Variants in TECTA observed in about 807,000 individuals in gnomAD.
The protein encoded by TECTA is tectorin alpha.
TECTA carries 128 observed loss-of-function variants against 216.8 expected under a neutral mutation model. The observed-to-expected ratio is 0.59, with a 90% confidence interval of 0.51 to 0.68. The LOEUF is 0.68. Ranked by LOEUF, TECTA falls within the 30% of genes least tolerant of loss-of-function variation. The pLI is 0.00. For missense variants in TECTA, 2,551 were observed against 2,786.2 expected, an observed-to-expected ratio of 0.92 and a Z score of 1.90; for synonymous variants, 1,089 against 1,117.1, an observed-to-expected ratio of 0.97 and a Z score of 0.50.
chr11:121,188,003 G>C lies in TECTA; in HGVS notation c.6162+9G>C. The C allele has an allele frequency of 6.2e-7, 1 of 1,614,160 alleles. No homozygotes were observed. Among genetic ancestry groups the C allele is most frequent in the Non-Finnish European group, 8.5e-7 (1 of 1,180,024 alleles). On this transcript the variant is annotated intron_variant, in intron 21 of 23. Coordinates refer to ENST00000392793, the MANE Select transcript of TECTA (RefSeq NM_005422.4). Reference sequence around the variant, plus strand: ...AGTACTCCTGTAAAATCGTAAGTGAGAGTGTGAAAACAAAGTGCTTAGCCT... The same window carrying C: ...AGTACTCCTGTAAAATCGTAAGTGACAGTGTGAAAACAAAGTGCTTAGCCT...
chr11:121,152,933 G>A lies in TECTA; in HGVS notation c.4158G>A (p.Gln1386=). The stretch of plus-strand genomic sequence containing the variant: ...ACGAGAGCTGCGTGAGTGTCTGCCA[G>A]CCCCGCTGCGCCGCCATCCGCCTGA... ...SHYESCVSVC[Q]PRCAAIRLKS... Residue 1386 remains glutamine (Q), a synonymous_variant, in exon 13 of 24, where the codon CAG becomes CAA. Coordinates refer to ENST00000392793, the MANE Select transcript of TECTA (RefSeq NM_005422.4). 1 of 1,612,308 alleles carries A rather than the reference G, an allele frequency of 6.2e-7. No individual in the cohort carries two copies. The highest frequency in any genetic ancestry group is 8.5e-7 in the Non-Finnish European group (1 of 1,178,630).
rs138065050 is a variant in TECTA, at chr11:121,130,156, C to T, written c.2886C>T (p.Ser962=). ...GTGACTCTGTGGCCCGGTATGCAAG[C>T]GCCTGCAAGAATGCGGACGTGGAGG... ...ELCDSVARYA[S]ACKNADVEVG... Residue 962 remains serine (S), a synonymous_variant, in exon 10 of 24, where the codon AGC becomes AGT. Coordinates refer to ENST00000392793, the MANE Select transcript of TECTA (RefSeq NM_005422.4). 6.0e-5 allele frequency: 96 copies of T among 1,607,366 alleles called. No homozygotes were observed. In the African/African-American group the frequency reaches 8.0e-4, roughly 13 times the overall value.
chr11:121,172,162 T>A lies in TECTA; in HGVS notation c.5999+3237T>A, dbSNP rs73584905. Among the ~76,000 whole-genome samples, 1,517 of 152,182 alleles carry A rather than the reference T, an allele frequency of 1.0e-2. 22 individuals are homozygous for A. Among genetic ancestry groups the A allele is most frequent in the African/African-American group, 0.035 (1,446 of 41,498 alleles). ...TGCATCTATTCAGATAATCATATGG[T>A]TTTTATTGTTCATTCTTTTTTTATT... On this transcript the variant is annotated intron_variant, in intron 20 of 23. Transcript: ENST00000392793.
rs778325524 is a variant in TECTA at position 121,129,862 on chromosome 11, CG to C, written c.2594del (p.Gly865AlafsTer29). 1 of 1,614,216 alleles carries C rather than the reference CG, an allele frequency of 6.2e-7. No individual in the cohort carries two copies. The highest frequency in any genetic ancestry group is 1.1e-5 in the South Asian group (1 of 91,074). ...NASDEFCLPN[G>X]KCTDNLAVFL... The stretch of plus-strand genomic sequence containing the variant: ...CCAGTGACGAGTTCTGTCTCCCCAA[CG>C]GCAAGTGCACGGACAACCTGGCAGT... On this transcript the variant is annotated frameshift_variant, in exon 10 of 24. Transcript: ENST00000392793. LOFTEE classifies it high-confidence loss of function.
intron 20 of TECTA, among the ~76,000 whole-genome samples, chr11:121,179,544 A>C (rs373899936): frequency 6.6e-6 from 1 of 152,132 alleles, no homozygotes; most frequent in African/African-American, 2.4e-5. Context: ...ATGCCTGTTA[A>C]GTCCATTTGG....
chr11:121,106,448 A>G (rs550792412), intron 3 of TECTA, among the ~76,000 whole-genome samples: 46 of 152,310 alleles, frequency 3.0e-4, no homozygotes, highest in African/African-American at 1.0e-3. Flanking sequence ...GCCACCCTCA[A>G]TATGGGTCTG....
intron 10 of TECTA, among the ~76,000 whole-genome samples, chr11:121,136,330 G>C (rs1471133274): frequency 6.6e-6 from 1 of 152,110 alleles, no homozygotes; most frequent in Admixed American, 6.5e-5. Context: ...TGAAGGATGG[G>C]TGGGACTTGG....
intron 7 of TECTA, among the ~76,000 whole-genome samples, chr11:121,121,088 C>A (rs1004162063): frequency 6.6e-6 from 1 of 152,196 alleles, no homozygotes; most frequent in Non-Finnish European, 1.5e-5. Flanking sequence ...CAGGCTCTGT[C>A]ACTTGCAAGT....
chr11:121,109,082 G>C, intron 3 of TECTA, 129 bp from the exon 4 acceptor site: 1 of 984,424 alleles, frequency 1.0e-6, no homozygotes, highest in Non-Finnish European at 1.5e-6. Flanking sequence ...CCCGGTGTTT[G>C]GGGGTTCTAA....
intron 20 of TECTA, among the ~76,000 whole-genome samples, chr11:121,187,385 A>G (rs1388507095): frequency 6.6e-6 from 1 of 152,164 alleles, no homozygotes; most frequent in African/African-American, 2.4e-5. Context: ...GCTCCTACCT[A>G]TTTTGACGCA....
At chr11:121,124,523 A>T (rs1415762656) in intron 7 of TECTA, among the ~76,000 whole-genome samples, 1 of 152,138 alleles carries the variant, frequency 6.6e-6, no homozygotes. Context: ...TGATTCCCCT[A>T]TGCTGGATTC....
At chr11:121,118,940 C>T (rs1303678942) in intron 7 of TECTA, among the ~76,000 whole-genome samples, 1 of 151,884 alleles carries the variant, frequency 6.6e-6, no homozygotes, top group Non-Finnish European at 1.5e-5. Context: ...TGTCTATCTG[C>T]TTTTAAACTT....
intron 20 of TECTA, among the ~76,000 whole-genome samples, chr11:121,180,479 A>T (rs892068281): frequency 4.6e-5 from 7 of 152,074 alleles, no homozygotes; most frequent in Admixed American, 1.3e-4. Flanking sequence ...CTGCTGAGAG[A>T]TCTGCTGTTG....
chr11:121,171,468 T>C (rs184538295), intron 20 of TECTA, among the ~76,000 whole-genome samples: 54 of 152,248 alleles, frequency 3.5e-4, no homozygotes, highest in Non-Finnish European at 6.8e-4. Flanking sequence ...AAGAATTTCA[T>C]TGGTGTATTG....
intron 8 of TECTA, 43 bp downstream of exon 8, chr11:121,125,915 G>A (rs1486371534): frequency 4.4e-6 from 7 of 1,593,318 alleles, no homozygotes; most frequent in African/African-American, 1.3e-5. Context: ...CTCTTGTGCA[G>A]GGGGCAGGGA....
intron 6 of TECTA, among the ~76,000 whole-genome samples, chr11:121,116,396 T>C (rs974093753): frequency 6.6e-6 from 1 of 152,212 alleles, no homozygotes; most frequent in East Asian, 1.9e-4. Context: ...GCTATGGCCA[T>C]ACAACATGAG....
chr11:121,106,385 G>A (rs1459076230), intron 3 of TECTA, among the ~76,000 whole-genome samples: 2 of 152,108 alleles, frequency 1.3e-5, no homozygotes, highest in Non-Finnish European at 2.9e-5. Context: ...AAGCAGAGTC[G>A]GAACACAGTA....
intron 10 of TECTA, among the ~76,000 whole-genome samples, chr11:121,133,855 C>T (rs1323712777): frequency 1.3e-5 from 2 of 152,190 alleles, no homozygotes; most frequent in African/African-American, 4.8e-5. Context: ...TGTGAGCTTT[C>T]CCTTGCAACT....
At chr11:121,123,262 G>C (rs1217878246) in intron 7 of TECTA, among the ~76,000 whole-genome samples, 1 of 152,168 alleles carries the variant, frequency 6.6e-6, no homozygotes, top group Non-Finnish European at 1.5e-5. Flanking sequence ...GGCATAGTAA[G>C]TGTGAAAAAG....
Sources: gnomAD v4.1 joint callset for allele counts (sites outside exome capture counted in the v4.1 genomes callset) on GRCh38, gnomAD v4.1.1 for gene constraint, MANE v1.5 for transcripts, NCBI Gene and HGNC (gene_info 2026-07-23, HGNC 2026-07-21) for gene names.